DLG2: variants seen among roughly 807,000 people sequenced by gnomAD.
DLG2 encodes disks large homolog 2.
In DLG2, 45 loss-of-function variants were observed where a neutral mutation model predicts 132.5. The observed-to-expected ratio is 0.34, with a 90% CI of 0.27 to 0.44. The LOEUF (loss-of-function observed/expected upper bound fraction) is 0.44. Among genes scored for constraint, DLG2 ranks in the 20% least tolerant of loss-of-function variants. The pLI is 1.00. For synonymous variants in DLG2, 424 were observed against 419.6 expected, an observed-to-expected ratio of 1.01 and a Z score of -0.13; for missense variants, 1,045 against 1,196.9, an observed-to-expected ratio of 0.87 and a Z score of 1.87.
chr11:84,674,303 T>C (rs1430242163), intron 6 of DLG2, among the ~76,000 whole-genome samples: 1 of 152,116 alleles, frequency 6.6e-6, no homozygotes, highest in African/African-American at 2.4e-5. Flanking sequence ...AAATCTCAAA[T>C]CCAATATGTC....
Position 84,179,290 on chromosome 11 carries a change from A to G in DLG2, c.574-15779T>C, listed in dbSNP as rs547385827. On this transcript the variant is annotated intron_variant, in intron 8 of 27. Coordinates refer to ENST00000376104, the MANE Select transcript of DLG2 (RefSeq NM_001142699.3). ...TGCCATTCTGTTCTAACAACAAATA[A>G]AAAGCTAAACAAACTGAAAAATCAA... Among the ~76,000 whole-genome samples the G allele has an allele frequency of 4.3e-3, 648 of 152,284 alleles. 1 individual carries two copies. Among genetic ancestry groups the G allele is most frequent in the Non-Finnish European group, 6.8e-3 (463 of 68,020 alleles).
intron 7 of DLG2, among the ~76,000 whole-genome samples, chr11:84,508,094 C>A (rs2099246774): frequency 6.6e-6 from 1 of 152,168 alleles, no homozygotes; most frequent in African/African-American, 2.4e-5. Context: ...AAGTTTTCCA[C>A]TGGGTTCTCA....
intron 3 of DLG2, among the ~76,000 whole-genome samples, chr11:85,541,142 T>A (rs555966470): frequency 1.3e-5 from 2 of 152,286 alleles, no homozygotes; most frequent in South Asian, 2.1e-4. Context: ...ATTGCTCTAA[T>A]GTGCCATCCT....
intron 3 of DLG2, among the ~76,000 whole-genome samples, chr11:85,422,826 A>C (rs966560173): frequency 1.3e-5 from 2 of 151,938 alleles, no homozygotes; most frequent in African/African-American, 4.8e-5. Context: ...ATTTCTTTGA[A>C]TATTTCTCCC....
At chr11:85,267,486 A>C (rs2077284734) in intron 4 of DLG2, among the ~76,000 whole-genome samples, 1 of 152,138 alleles carries the variant, frequency 6.6e-6, no homozygotes, top group Non-Finnish European at 1.5e-5. Flanking sequence ...GATCTCACTT[A>C]TTTCTATACC....
chr11:83,477,801 G>T (rs10898126), intron 22 of DLG2, among the ~76,000 whole-genome samples: 84,521 of 151,704 alleles, frequency 0.56, 23,957 homozygotes, highest in Middle Eastern at 0.67. Flanking sequence ...AGCCAGGAAT[G>T]CACTAGAAAA....
chr11:84,412,334 T>C (rs1461558906), intron 7 of DLG2, among the ~76,000 whole-genome samples: 2 of 151,722 alleles, frequency 1.3e-5, no homozygotes, highest in Non-Finnish European at 2.9e-5. Context: ...ACCCTGATTG[T>C]GCCAAATACT....
At chr11:85,466,395 T>C (rs1446805682) in intron 3 of DLG2, among the ~76,000 whole-genome samples, 4 of 152,180 alleles carry the variant, frequency 2.6e-5, no homozygotes, top group Admixed American at 6.5e-5. Context: ...CATGCCTATG[T>C]CCTGAATGGT....
At chr11:85,357,238 TTGTGTGTGTGTGTGTGTG>T (rs71036472) in intron 3 of DLG2, among the ~76,000 whole-genome samples, 63 of 118,200 alleles carry the variant, frequency 5.3e-4, no homozygotes, top group Middle Eastern at 4.2e-3. Flanking sequence ...AATATCCTCT[TTGTGTGTGTGTGTGTGTG>T]TGTGTGTGTG....
intron 6 of DLG2, among the ~76,000 whole-genome samples, chr11:84,644,346 G>A (rs1367442922): frequency 6.6e-6 from 1 of 152,046 alleles, no homozygotes; most frequent in African/African-American, 2.4e-5. Flanking sequence ...TCGCCACCTG[G>A]TAAAGTTTCC....
intron 15 of DLG2, among the ~76,000 whole-genome samples, chr11:83,920,068 G>A (rs563673763): frequency 1.1e-4 from 16 of 152,284 alleles, no homozygotes; most frequent in African/African-American, 2.2e-4. Context: ...GACACAGTGC[G>A]TGCCAGAAGA....
At chr11:83,712,818 C>T (rs1017193853) in intron 18 of DLG2, among the ~76,000 whole-genome samples, 1 of 151,836 alleles carries the variant, frequency 6.6e-6, no homozygotes, top group Non-Finnish European at 1.5e-5. Context: ...TCAGTGGGGA[C>T]AGGGGCACGG....
chr11:85,360,604 T>C (rs2084069406), intron 3 of DLG2, among the ~76,000 whole-genome samples: 2 of 152,200 alleles, frequency 1.3e-5, no homozygotes, highest in Non-Finnish European at 2.9e-5. Context: ...TGGTCTGATC[T>C]TCTCCGTGGA....
chr11:84,784,727 T>TA (rs962499277), intron 6 of DLG2, among the ~76,000 whole-genome samples: 5 of 151,146 alleles, frequency 3.3e-5, no homozygotes, highest in Non-Finnish European at 5.9e-5. Flanking sequence ...TTTTCCAATT[T>TA]AAAAAAAAAG....
At chr11:83,881,869 C>T (rs772338477) in intron 15 of DLG2, among the ~76,000 whole-genome samples, 5 of 151,924 alleles carry the variant, frequency 3.3e-5, no homozygotes, top group South Asian at 2.1e-4. Context: ...TACAAAAAAG[C>T]CTTGTCTCTA....
At chr11:85,335,227 T>A (rs1346895026) in intron 3 of DLG2, among the ~76,000 whole-genome samples, 1 of 141,672 alleles carries the variant, frequency 7.1e-6, no homozygotes, top group African/African-American at 2.6e-5. Context: ...TAATGTGAAA[T>A]AACAGCATCT....
At chr11:84,551,311 C>T (rs1565275518) in intron 6 of DLG2, among the ~76,000 whole-genome samples, 1 of 152,112 alleles carries the variant, frequency 6.6e-6, no homozygotes, top group Non-Finnish European at 1.5e-5. Context: ...CATATTTATA[C>T]TTGATCTAGA....
rs527387647 is a variant in DLG2 at position 84,089,881 on chromosome 11, C to T, written c.749+9042G>A. Reference sequence around the variant, plus strand: ...TTGTGCTGTGGATGCCTTTAATAAACGCACTCTTGTGTAAAATGTCATTGC... The same window carrying T: ...TTGTGCTGTGGATGCCTTTAATAAATGCACTCTTGTGTAAAATGTCATTGC... On this transcript the variant is annotated intron_variant, in intron 10 of 27. Coordinates refer to ENST00000376104, the MANE Select transcript of DLG2 (RefSeq NM_001142699.3). Among the ~76,000 whole-genome samples, 10 of 152,264 alleles carry T rather than the reference C, an allele frequency of 6.6e-5. 1 individual carries two copies. The South Asian group carries it at 1.0e-3, about 16-fold the overall frequency.
chr11:84,287,758 A>ACACACACACG (rs2097925759), intron 7 of DLG2, among the ~76,000 whole-genome samples: 1 of 150,960 alleles, frequency 6.6e-6, no homozygotes, highest in African/African-American at 2.4e-5. Flanking sequence ...ACACACACAC[A>ACACACACACG]CACACACACA....
Sources: gnomAD v4.1 joint callset for allele counts (sites outside exome capture counted in the v4.1 genomes callset) on GRCh38, gnomAD v4.1.1 for gene constraint, MANE v1.5 for transcripts, NCBI Gene and HGNC (gene_info 2026-07-23, HGNC 2026-07-21) for gene names.